The following PDE4D variants were observed in gnomAD, a reference collection of about 807,000 sequenced individuals.
PDE4D encodes phosphodiesterase 4D.
Under a neutral mutation model 87.4 loss-of-function variants are expected in PDE4D, and 24 were observed. The observed-to-expected ratio is 0.27, with a 90% confidence interval of 0.20 to 0.39. The LOEUF (loss-of-function observed/expected upper bound fraction) is 0.39, where lower values mean the gene tolerates loss of function less well. PDE4D is among the 10% of genes least tolerant of loss of function. The probability of loss-of-function intolerance (pLI) is 1.00; values close to 1 mark genes in which losing one functional copy is unlikely to be tolerated. For missense variants in PDE4D, 714 were observed against 1,041.0 expected (o/e 0.69, Z 4.32); for synonymous variants, 384 against 383.2 (o/e 1.00, Z -0.02).
At chr5:59,525,009 C>T (rs1812837099) in intron 1 of PDE4D, among the ~76,000 whole-genome samples, 1 of 152,212 alleles carries the variant, frequency 6.6e-6, no homozygotes, top group Non-Finnish European at 1.5e-5. Context: ...AGAACCTCTG[C>T]TGGGGCAGTG....
intron 5 of PDE4D, among the ~76,000 whole-genome samples, chr5:59,142,024 C>A (rs983397387): frequency 5.9e-5 from 9 of 152,142 alleles, no homozygotes; most frequent in Non-Finnish European, 1.3e-4. Context: ...ATCTTGCAAC[C>A]TGGCCCCACC....
intron 2 of PDE4D, among the ~76,000 whole-genome samples, chr5:60,098,880 A>G (rs886528896): frequency 7.9e-5 from 12 of 152,004 alleles, no homozygotes; most frequent in Non-Finnish European, 1.3e-4. Flanking sequence ...GCTTTACAAC[A>G]TGAGTATGAT....
At chr5:59,303,336 G>T (rs1377606924) in intron 1 of PDE4D, among the ~76,000 whole-genome samples, 1 of 152,062 alleles carries the variant, frequency 6.6e-6, no homozygotes, top group East Asian at 1.9e-4. Context: ...CCACTCTGTG[G>T]GTTGTCTGTT....
At chr5:59,363,379 C>T (rs1306910483) in intron 1 of PDE4D, among the ~76,000 whole-genome samples, 3 of 152,274 alleles carry the variant, frequency 2.0e-5, no homozygotes, top group Non-Finnish European at 2.9e-5. Flanking sequence ...TAACTTGCCC[C>T]TATGATCATA....
chr5:58,990,309 A>G (rs541706068), intron 9 of PDE4D, among the ~76,000 whole-genome samples: 1 of 152,318 alleles, frequency 6.6e-6, no homozygotes, highest in African/African-American at 2.4e-5. Flanking sequence ...TTCGGTCCCG[A>G]GATATCTACA....
At chr5:60,273,547 T>C (rs983063521) in intron 1 of PDE4D, among the ~76,000 whole-genome samples, 1 of 152,074 alleles carries the variant, frequency 6.6e-6, no homozygotes, top group Non-Finnish European at 1.5e-5. Flanking sequence ...GGATTAGAGA[T>C]GGACAGACAG....
rs535557647 is a variant in PDE4D, at chr5:59,685,658, T to C, written c.455+207510A>G. Among the ~76,000 whole-genome samples, 34 of 152,302 alleles carry C rather than the reference T, an allele frequency of 2.2e-4. No individual in the cohort carries two copies. In the South Asian group the frequency reaches 6.4e-3, roughly 29 times the overall value. On this transcript the variant is annotated intron_variant, in intron 1 of 14. Coordinates refer to ENST00000340635, the MANE Select transcript of PDE4D (RefSeq NM_001104631.2). ...GTCTTTTAAACTACTCTGCCTTCTA[T>C]TGACAGAGTAAGAAATTAAATCTTC...
chr5:60,199,061 C>T lies in PDE4D; in HGVS notation c.-89-13374G>A, dbSNP rs550113185. 2.0e-5 allele frequency among the ~76,000 whole-genome samples: 3 copies of T among 151,798 alleles called. No homozygotes were observed. The South Asian group carries it at 6.2e-4, about 32-fold the overall frequency. ...GTGAGGTCAAATGAACATTTCAAAC[C>T]TTATACTCAGAGATTTGAAATCCTT... On this transcript the variant is annotated intron_variant, in intron 1 of 16. Transcript: ENST00000502484.
chr5:59,660,369 A>G (rs1039823148), intron 1 of PDE4D, among the ~76,000 whole-genome samples: 7 of 152,204 alleles, frequency 4.6e-5, no homozygotes, highest in Middle Eastern at 6.8e-3. Flanking sequence ...AAGCTTTTCT[A>G]AGTTTTGTTT....
chr5:59,633,277 G>A (rs1026140988), intron 1 of PDE4D, among the ~76,000 whole-genome samples: 1 of 152,212 alleles, frequency 6.6e-6, no homozygotes, highest in African/African-American at 2.4e-5. Context: ...GTACCTGAAA[G>A]AGATGGGAAG....
At chr5:59,200,088 T>TACACACACGTATGCACACATACATGC (rs1746602322) in intron 2 of PDE4D, among the ~76,000 whole-genome samples, 1 of 121,626 alleles carries the variant, frequency 8.2e-6, no homozygotes, top group Admixed American at 8.3e-5. Flanking sequence ...CACATACATG[T>TACACACACGTATGCACACATACATGC]ATGTAGACAT....
intron 5 of PDE4D, among the ~76,000 whole-genome samples, chr5:59,080,998 C>A (rs1191266946): frequency 2.0e-5 from 3 of 152,102 alleles, no homozygotes; most frequent in Non-Finnish European, 2.9e-5. Context: ...GTTTTAGACA[C>A]TTCTAATCAA....
chr5:59,971,211 G>GA (rs1350348915), intron 3 of PDE4D, among the ~76,000 whole-genome samples: 1 of 107,074 alleles, frequency 9.3e-6, no homozygotes, highest in East Asian at 3.4e-4. Context: ...CTGTTGTGGG[G>GA]TGGGGGGAGG....
intron 1 of PDE4D, among the ~76,000 whole-genome samples, chr5:59,657,818 G>A (rs188795222): frequency 1.3e-3 from 205 of 152,192 alleles, no homozygotes; most frequent in African/African-American, 4.6e-3. Flanking sequence ...AATACATTCC[G>A]CATGTTATAA....
intron 1 of PDE4D, among the ~76,000 whole-genome samples, chr5:60,207,167 G>A (rs776859418): frequency 1.3e-5 from 2 of 152,146 alleles, no homozygotes; most frequent in African/African-American, 2.4e-5. Context: ...ACTAGTAAAC[G>A]GGTGCCTAAC....
chr5:60,169,494 AT>A (rs1222616213), intron 2 of PDE4D, among the ~76,000 whole-genome samples: 3 of 151,872 alleles, frequency 2.0e-5, no homozygotes, highest in African/African-American at 4.8e-5. Context: ...GAGCACAACA[AT>A]TTTTTTGCTG....
chr5:60,184,695 A>G (rs1038533463), intron 2 of PDE4D, among the ~76,000 whole-genome samples: 2 of 152,360 alleles, frequency 1.3e-5, no homozygotes, highest in East Asian at 3.9e-4. Context: ...CATAGAAAGA[A>G]TGAAAGATGG....
At chr5:59,613,124 G>A (rs915463610) in intron 1 of PDE4D, among the ~76,000 whole-genome samples, 15 of 152,118 alleles carry the variant, frequency 9.9e-5, no homozygotes, top group Admixed American at 5.9e-4. Context: ...GTTGGTGGCC[G>A]GAACCAAGCT....
At chr5:59,977,061 T>G (rs1235580154) in intron 3 of PDE4D, among the ~76,000 whole-genome samples, 1 of 152,132 alleles carries the variant, frequency 6.6e-6, no homozygotes, top group Admixed American at 6.6e-5. Flanking sequence ...ATTAATAACC[T>G]TACAATGGCC....
Sources: allele counts gnomAD v4.1 joint callset (sites outside exome capture counted in the v4.1 genomes callset), GRCh38; gene constraint gnomAD v4.1.1; transcripts MANE v1.5; gene names NCBI Gene and HGNC (gene_info 2026-07-23, HGNC 2026-07-21).